CABIN1: variants seen among roughly 807,000 people sequenced by gnomAD.
CABIN1 encodes the protein calcineurin binding protein 1.
In CABIN1, 133 loss-of-function variants were observed where a neutral mutation model predicts 227.7. That is an observed-to-expected ratio of 0.58 (90% CI 0.51 to 0.67). CABIN1 has a LOEUF of 0.67. Among genes scored for constraint, CABIN1 ranks in the 30% least tolerant of loss-of-function variants. CABIN1 has a pLI of 0.00. For missense variants in CABIN1, 2,408 were observed against 2,852.5 expected, an observed-to-expected ratio of 0.84 and a Z score of 3.55; for synonymous variants, 1,086 against 1,155.1, an observed-to-expected ratio of 0.94 and a Z score of 1.21.
At position 24,054,896 on chromosome 22, in the gene CABIN1, T is replaced by G; in HGVS notation, c.830T>G (p.Leu277Trp). Reference protein sequence around the residue: ...FFTWKCLGESLLAMYNHLTTC... With the variant: ...FFTWKCLGESWLAMYNHLTTC... ...AGCTGGAAGTGCCTCGGAGAGAGCT[T>G]GCTGGCCATGTACAATCATCTCACC... Residue 277 changes from leucine to tryptophan, a missense_variant, in exon 9 of 37, where the codon TTG becomes TGG. Coordinates refer to ENST00000263119, the MANE Select transcript of CABIN1 (RefSeq NM_012295.4). 6.2e-7 allele frequency: 1 copy of G among 1,614,190 alleles called. No homozygotes were observed.
At chr22:24,046,689 A>G (rs903454536) in intron 6 of CABIN1, among the ~76,000 whole-genome samples, 1 of 152,296 alleles carries the variant, frequency 6.6e-6, no homozygotes, top group East Asian at 1.9e-4. Flanking sequence ...GATTTATTGT[A>G]AGGAATTGGC....
At chr22:24,174,359 G>A (rs1000168548) in intron 34 of CABIN1, among the ~76,000 whole-genome samples, 1 of 151,362 alleles carries the variant, frequency 6.6e-6, no homozygotes, top group African/African-American at 2.4e-5. Context: ...AAACTCCTGG[G>A]CTCAGGAGAT....
rs1341861819 is a variant in CABIN1 at position 24,056,220 on chromosome 22, GA to G, written c.1125del (p.Val377Ter). Reference protein sequence around the residue: ...GDISGGDKSKKGVKRKKISEE... With the variant: ...GDISGGDKSKXGVKRKKISEE... ...ATATTTCTGGGGGAGATAAATCCAA[GA>G]AAGGGGTAAAACGGAAGAAGATTTC... On this transcript the variant is annotated frameshift_variant, in exon 10 of 37. Transcript: ENST00000263119. LOFTEE classifies it high-confidence loss of function. 1 of 1,614,056 alleles carries G rather than the reference GA, an allele frequency of 6.2e-7. No individual in the cohort carries two copies. The highest frequency in any genetic ancestry group is 1.7e-5 in the Admixed American group (1 of 60,008).
At chr22:24,061,760 A>G (rs182515265) in intron 12 of CABIN1, among the ~76,000 whole-genome samples, 187 bp from the exon 13 acceptor site, 273 of 152,302 alleles carry the variant, frequency 1.8e-3, no homozygotes, top group Middle Eastern at 3.4e-3. Context: ...CCCAACATAC[A>G]TCCATGTGGC....
chr22:24,175,942 T>A (rs2148823853), intron 34 of CABIN1, 169 bp from the exon 35 acceptor site: 1 of 783,392 alleles, frequency 1.3e-6, no homozygotes. Context: ...TGGTGAGTGG[T>A]TTCTTGGCAG....
At chr22:24,170,761 C>G (rs549949045) in intron 33 of CABIN1, among the ~76,000 whole-genome samples, 9 of 149,388 alleles carry the variant, frequency 6.0e-5, no homozygotes, top group African/African-American at 1.5e-4. Flanking sequence ...TGCCCCCCCC[C>G]CCGCCCCCAT....
intron 29 of CABIN1, among the ~76,000 whole-genome samples, chr22:24,162,376 C>T (rs2046207809): frequency 6.6e-6 from 1 of 152,152 alleles, no homozygotes; most frequent in Admixed American, 6.5e-5. Context: ...GGCAAGGGGG[C>T]CAATCCTGGG....
Position 24,091,814 on chromosome 22 carries a change from C to G in CABIN1, c.3757C>G (p.Pro1253Ala), listed in dbSNP as rs757521825. Residue 1253 changes from proline to alanine, a missense_variant, in exon 24 of 37, where the codon CCA (proline) becomes GCA (alanine). Physicochemically the swap from Pro to Ala is conservative, Grantham distance 27 (BLOSUM62 -1). Around this residue, in one of 3 missense-constraint regions of CABIN1, gnomAD observed 649 missense variants for 910.3 expected, o/e 0.71. Transcript: ENST00000263119. ...RYPKKIHYHN[P>A]PELAMEALEV... ...CCCCAAGAAGATCCACTACCACAAC[C>G]CACCTGAGCTGGCCATGGAGGCCCT... The G allele has an allele frequency of 4.2e-5, 67 of 1,613,654 alleles. No individual in the cohort carries two copies. The Admixed American group carries it at 1.1e-3, about 27-fold the overall frequency.
At chr22:24,048,722 T>C (rs1419679575) in intron 6 of CABIN1, among the ~76,000 whole-genome samples, 1 of 152,186 alleles carries the variant, frequency 6.6e-6, no homozygotes, top group East Asian at 1.9e-4. Context: ...CCTGGCTATT[T>C]CCAGATTTTT....
At chr22:24,047,225 A>G (rs1175702671) in intron 6 of CABIN1, among the ~76,000 whole-genome samples, 1 of 152,218 alleles carries the variant, frequency 6.6e-6, no homozygotes, top group African/African-American at 2.4e-5. Context: ...AGTCATTTAA[A>G]ACAAAAAATT....
chr22:24,046,235 A>G (rs1310442960), intron 6 of CABIN1, among the ~76,000 whole-genome samples: 1 of 152,202 alleles, frequency 6.6e-6, no homozygotes, highest in East Asian at 1.9e-4. Flanking sequence ...TGTGTGGTCT[A>G]TTATGTGCAT....
At chr22:24,062,095 C>T (rs568988026) in intron 13 of CABIN1, 70 bp downstream of exon 13, 161 of 1,276,666 alleles carry the variant, frequency 1.3e-4, no homozygotes, top group Admixed American at 6.6e-4. Flanking sequence ...AAAGCTGAGG[C>T]GGGAGACTGA....
intron 8 of CABIN1, 111 bp downstream of exon 8, chr22:24,051,085 A>G: frequency 7.1e-7 from 1 of 1,409,478 alleles, no homozygotes; most frequent in Non-Finnish European, 9.9e-7. Context: ...GGTTGGTGGT[A>G]TGAATGGGGG....
intron 10 of CABIN1, 110 bp from the exon 11 acceptor site, chr22:24,059,116 AT>A: frequency 2.8e-6 from 4 of 1,436,776 alleles, no homozygotes; most frequent in Non-Finnish European, 3.9e-6. Flanking sequence ...CCACCCACTT[AT>A]TTTAGCTGCC....
chr22:24,083,083 G>C, intron 19 of CABIN1, 145 bp from the exon 20 acceptor site: 1 of 786,286 alleles, frequency 1.3e-6, no homozygotes. Context: ...GGTGTTTTTG[G>C]AATCAAGTCA....
intron 1 of CABIN1, among the ~76,000 whole-genome samples, chr22:24,016,929 G>T (rs1371387970): frequency 6.6e-6 from 1 of 150,820 alleles, no homozygotes; most frequent in African/African-American, 2.4e-5. Flanking sequence ...GTCTTCTTTT[G>T]TGATTTATCT....
rs561320780 is a variant in CABIN1 at position 24,101,211 on chromosome 22, C to G, written c.4117+3019C>G. Among the ~76,000 whole-genome samples the G allele has an allele frequency of 4.6e-5, 7 of 152,312 alleles. No individual in the cohort carries two copies. The South Asian group carries it at 1.2e-3, about 27-fold the overall frequency. On this transcript the variant is annotated intron_variant, in intron 26 of 36. Transcript: ENST00000263119. The stretch of plus-strand genomic sequence containing the variant: ...GGAGACCTTGCATTGGAGCTGCCTT[C>G]CCACATTGGTATGCCTTTGCTTCAA...
chr22:24,135,061 G>A (rs2044311260), intron 29 of CABIN1, among the ~76,000 whole-genome samples: 2 of 146,328 alleles, frequency 1.4e-5, no homozygotes, highest in African/African-American at 2.5e-5. Context: ...TGGGGGACCA[G>A]AGCAAGACTC....
intron 9 of CABIN1, 34 bp downstream of exon 9, chr22:24,055,193 G>A: frequency 6.2e-7 from 1 of 1,601,970 alleles, no homozygotes; most frequent in Non-Finnish European, 8.5e-7. Context: ...CTTCCGGGGA[G>A]ACCCCGTTCA....
Sources: allele counts gnomAD v4.1 joint callset (sites outside exome capture counted in the v4.1 genomes callset), GRCh38; gene constraint gnomAD v4.1.1; regional missense constraint gnomAD v4.1.1; transcripts MANE v1.5; gene names NCBI Gene and HGNC (gene_info 2026-07-23, HGNC 2026-07-21).